The following RORB variants were observed in gnomAD, a reference collection of about 807,000 sequenced individuals.
RORB encodes RAR related orphan receptor B, also known as nuclear receptor ROR-beta.
In RORB, 6 loss-of-function variants were observed where a neutral mutation model predicts 59.1. The ratio of observed to expected loss-of-function variants is 0.10; its 90% CI spans 0.06 to 0.20. The LOEUF is 0.20. Ranked by LOEUF, RORB falls within the 10% of genes least tolerant of loss-of-function variation. The pLI, the probability that RORB is intolerant of heterozygous loss-of-function variation, is 1.00. For synonymous variants in RORB, 215 were observed against 204.5 expected, an observed-to-expected ratio of 1.05 and a Z score of -0.44; for missense variants, 320 against 560.5, an observed-to-expected ratio of 0.57 and a Z score of 4.33.
At chr9:74,630,978 G>A (rs1823608791) in intron 2 of RORB, among the ~76,000 whole-genome samples, 1 of 152,122 alleles carries the variant, frequency 6.6e-6, no homozygotes, top group Admixed American at 6.6e-5. Context: ...TATGTCATCT[G>A]ATCAACATCA....
At chr9:74,567,469 G>T (rs1822486294) in intron 1 of RORB, among the ~76,000 whole-genome samples, 1 of 152,256 alleles carries the variant, frequency 6.6e-6, no homozygotes, top group African/African-American at 2.4e-5. Flanking sequence ...ACATAACCAA[G>T]ATAGGGAAAG....
At chr9:74,610,751 A>C (rs934920815) in intron 1 of RORB, among the ~76,000 whole-genome samples, 73 of 152,228 alleles carry the variant, frequency 4.8e-4, no homozygotes, top group African/African-American at 1.7e-3. Context: ...TAGAAAACCC[A>C]TGGTGTAAAC....
chr9:74,548,845 A>AT (rs1165520937), intron 1 of RORB, among the ~76,000 whole-genome samples: 1 of 152,012 alleles, frequency 6.6e-6, no homozygotes, highest in East Asian at 1.9e-4. Context: ...TATTCTAAGG[A>AT]TTTTTTTATG....
At chr9:74,612,933 T>C (rs762479316) in intron 1 of RORB, among the ~76,000 whole-genome samples, 9 of 152,204 alleles carry the variant, frequency 5.9e-5, no homozygotes, top group Non-Finnish European at 1.0e-4. Flanking sequence ...TTATTTCTTG[T>C]AAAATACAGA....
intron 1 of RORB, among the ~76,000 whole-genome samples, chr9:74,525,994 T>A (rs2118084082): frequency 6.6e-6 from 1 of 152,006 alleles, no homozygotes; most frequent in Middle Eastern, 3.4e-3. Context: ...TAAGAAAAAA[T>A]TGTTTGTGCC....
At chr9:74,582,581 G>T (rs1370050997) in intron 1 of RORB, among the ~76,000 whole-genome samples, 1 of 152,158 alleles carries the variant, frequency 6.6e-6, no homozygotes, top group Non-Finnish European at 1.5e-5. Context: ...ACTAGGATTA[G>T]TTACCAACAT....
chr9:74,577,324 A>G (rs1435985845), intron 1 of RORB, among the ~76,000 whole-genome samples: 3 of 152,038 alleles, frequency 2.0e-5, no homozygotes, highest in African/African-American at 4.8e-5. Context: ...TTTGGCTTCC[A>G]AATTATTACT....
chr9:74,585,892 T>C (rs546397816), intron 1 of RORB, among the ~76,000 whole-genome samples: 5 of 152,068 alleles, frequency 3.3e-5, no homozygotes, highest in African/African-American at 1.2e-4. Context: ...CCTCCCGGGT[T>C]CACGCCATTC....
intron 1 of RORB, among the ~76,000 whole-genome samples, chr9:74,550,430 G>A (rs191699665): frequency 6.6e-5 from 10 of 152,304 alleles, no homozygotes; most frequent in Admixed American, 6.5e-4. Flanking sequence ...AGACCAGGGT[G>A]GGGCTTGGGT....
chr9:74,612,217 G>A (rs1183245817), intron 1 of RORB, among the ~76,000 whole-genome samples: 1 of 152,106 alleles, frequency 6.6e-6, no homozygotes, highest in Non-Finnish European at 1.5e-5. Flanking sequence ...AATTGGAGCA[G>A]AGTGGAGAGA....
At chr9:74,499,222 A>G (rs1825769340) in intron 1 of RORB, 1 of 152,410 alleles carries the variant, frequency 6.6e-6, no homozygotes, top group Non-Finnish European at 1.5e-5. Context: ...TGCATCCCAG[A>G]CCCGGAGAGA....
chr9:74,677,185 G>A (rs948237869), intron 9 of RORB, among the ~76,000 whole-genome samples: 9 of 152,186 alleles, frequency 5.9e-5, no homozygotes, highest in African/African-American at 1.4e-4. Flanking sequence ...ATGATCAAGT[G>A]TAAAAAGTCC....
At chr9:74,671,135 G>A (rs1824338331) in intron 8 of RORB, among the ~76,000 whole-genome samples, 2 of 151,622 alleles carry the variant, frequency 1.3e-5, no homozygotes, top group South Asian at 2.1e-4. Flanking sequence ...TGGGAGGGAG[G>A]GAGGAAGGGA....
intron 4 of RORB, among the ~76,000 whole-genome samples, chr9:74,658,020 A>AG (rs1824114917): frequency 2.0e-5 from 3 of 151,016 alleles, no homozygotes; most frequent in African/African-American, 7.3e-5. Flanking sequence ...AAAAAAAAAA[A>AG]AAAAAAAAGA....
chr9:74,667,922 T>G, intron 8 of RORB, 21 bp downstream of exon 8: 5 of 1,463,922 alleles, frequency 3.4e-6, no homozygotes, highest in South Asian at 1.1e-5. Flanking sequence ...CTCAGTTCTC[T>G]TACCTTTTTA....
chr9:74,662,701 C>T, intron 6 of RORB, 95 bp downstream of exon 6: 1 of 1,317,282 alleles, frequency 7.6e-7, no homozygotes. Flanking sequence ...TTCCGATATG[C>T]AGCTCGTTTC....
intron 4 of RORB, among the ~76,000 whole-genome samples, chr9:74,657,211 A>AATTT (rs575383495): frequency 0.013 from 1,926 of 151,902 alleles, 72 homozygotes; most frequent in Admixed American, 0.078. Flanking sequence ...ATGCCCAGCT[A>AATTT]ATTTATTTAT....
intron 1 of RORB, among the ~76,000 whole-genome samples, chr9:74,595,409 C>A (rs1822955822): frequency 6.6e-6 from 1 of 152,152 alleles, no homozygotes; most frequent in Admixed American, 6.5e-5. Context: ...CAAGACTAAA[C>A]AGTATAAAAC....
intron 1 of RORB, among the ~76,000 whole-genome samples, chr9:74,611,495 A>T (rs1823231204): frequency 6.6e-6 from 1 of 152,210 alleles, no homozygotes; most frequent in Non-Finnish European, 1.5e-5. Context: ...GCAAGCAAGG[A>T]AGCAAACATA....
Sources: gnomAD v4.1 joint callset for allele counts (sites outside exome capture counted in the v4.1 genomes callset) on GRCh38, gnomAD v4.1.1 for gene constraint, MANE v1.5 for transcripts, NCBI Gene and HGNC (gene_info 2026-07-23, HGNC 2026-07-21) for gene names.